SPOCK2: variants seen among roughly 807,000 people sequenced by gnomAD.
SPOCK2 encodes the protein SPARC (osteonectin), cwcv and kazal like domains proteoglycan 2, also known as testican-2.
A neutral mutation model predicts 60.1 loss-of-function variants in SPOCK2; 39 were observed. The observed-to-expected ratio is 0.65, with a 90% CI of 0.50 to 0.85. The LOEUF is 0.85. SPOCK2 is among the 40% of genes least tolerant of loss of function. The pLI is 0.00. For synonymous variants in SPOCK2, 217 were observed against 231.5 expected, an observed-to-expected ratio of 0.94 and a Z score of 0.57; for missense variants, 523 against 567.4, an observed-to-expected ratio of 0.92 and a Z score of 0.80.
Position 72,086,610 on chromosome 10 carries a change from G to A in SPOCK2, c.189+1530C>T, listed in dbSNP as rs372161620. 7.5e-6 allele frequency: 9 copies of A among 1,194,380 alleles called. No individual in the cohort carries two copies. In the African/African-American group the frequency reaches 1.1e-4, roughly 15 times the overall value. 74.0% of individuals were successfully genotyped at this position (1,194,380 alleles called of 1,614,324 possible). A position where few individuals can be genotyped will look rare whatever the true frequency, so the allele number is the denominator to read the frequency against. On this transcript the variant is annotated intron_variant, in intron 1 of 10. Transcript: ENST00000373109. ...CGGCAGGAGACTGCGGCTCATCTGC[G>A]CTGGGCCTGCAGGTGCTTCGGGAAG... is the stretch of plus-strand genomic sequence containing the variant.
At chr10:72,066,458 C>G (rs1715133314) in intron 8 of SPOCK2, among the ~76,000 whole-genome samples, 1 of 151,546 alleles carries the variant, frequency 6.6e-6, no homozygotes, top group South Asian at 2.1e-4. Context: ...CCACCTCAGC[C>G]TCTCAAGTGG....
Position 72,062,773 on chromosome 10 carries a change from C to A in SPOCK2, c.1262G>T (p.Gly421Val). The change falls in exon 11 of 11, where the codon GGC (glycine) becomes GTC (valine). Residue 421 changes from glycine to valine, a missense_variant. Coordinates refer to ENST00000373109, the MANE Select transcript of SPOCK2 (RefSeq NM_001244950.2). This position sits in a 1 kb window ranked among gnomAD's most constrained non-coding sequence, Gnocchi z 4.3. ...TCCTGAGGGCGTCTACCAGATGTAG[C>A]CCCCGTCGTCAGCCTCGCCTGCCTC... ...EGEAGEADDGGYIW is the reference protein window; with the variant it reads ...EGEAGEADDGVYIW The A allele has an allele frequency of 6.2e-7, 1 of 1,605,760 alleles. No individual in the cohort carries two copies. Among genetic ancestry groups the A allele is most frequent in the Non-Finnish European group, 8.5e-7 (1 of 1,179,072 alleles).
chr10:72,087,133 C>T lies in SPOCK2; in HGVS notation c.189+1007G>A. ...TCCCCCACAGCACCCCCAACGATCT[C>T]GGGGTCCAGCCACACCCTCCGCCCG... On this transcript the variant is annotated intron_variant, in intron 1 of 10. Coordinates refer to ENST00000373109, the MANE Select transcript of SPOCK2 (RefSeq NM_001244950.2). The surrounding 1 kb of genome is among the most constrained non-coding windows in gnomAD (Gnocchi z 4.7). 1.1e-6 allele frequency: 1 copy of T among 925,514 alleles called. No homozygotes were observed. The highest frequency in any genetic ancestry group is 1.6e-6 in the Non-Finnish European group (1 of 639,284). The allele number at this position is 925,514 out of a possible 1,614,324, so 57.3% of individuals were successfully genotyped here.
chr10:72,066,242 G>C (rs538149474), intron 8 of SPOCK2, among the ~76,000 whole-genome samples: 7 of 152,034 alleles, frequency 4.6e-5, no homozygotes, highest in Non-Finnish European at 1.0e-4. Flanking sequence ...AGAAGCAAAT[G>C]CATCTTCACC....
At position 72,087,669 on chromosome 10, in the gene SPOCK2, C is replaced by T. The variant is rs1365454718; in HGVS notation, c.189+471G>A. On this transcript the variant is annotated intron_variant, in intron 1 of 10. Coordinates refer to ENST00000373109, the MANE Select transcript of SPOCK2 (RefSeq NM_001244950.2). The surrounding 1 kb of genome is among the most constrained non-coding windows in gnomAD (Gnocchi z 4.7). ...TGGGAACAGAGGGCACCGCGCGAGC[C>T]GATGCCACCCTCACTGCCGGCCCCA... 6.6e-6 allele frequency among the ~76,000 whole-genome samples: 1 copy of T among 152,226 alleles called. No homozygotes were observed. The highest frequency in any genetic ancestry group is 1.5e-5 in the Non-Finnish European group (1 of 68,034).
At chr10:72,082,256 T>C (rs1389946641) in intron 1 of SPOCK2, among the ~76,000 whole-genome samples, 1 of 152,218 alleles carries the variant, frequency 6.6e-6, no homozygotes. Flanking sequence ...GCTGGCACAC[T>C]TCAAGAGCCA....
At position 72,061,675 on chromosome 10, in the gene SPOCK2, A is replaced by T. The variant is rs1840492863; in HGVS notation, c.*1085T>A. ...CTGGCCCTCAGGCGCCCTCAAGTGG[A>T]TGAGGGGACCCCAGCAAGGGGGATG... On this transcript the variant is annotated 3_prime_UTR_variant, in exon 11 of 11. Transcript: ENST00000373109. The T allele has an allele frequency of 6.5e-6, 1 of 152,818 alleles. No individual in the cohort carries two copies. The highest frequency in any genetic ancestry group is 2.4e-5 in the African/African-American group (1 of 41,392). The allele number at this position is 152,818 out of a possible 1,614,324, so 9.5% of individuals were successfully genotyped here.
Position 72,070,439 on chromosome 10 carries a change from G to A in SPOCK2, c.360-13C>T, listed in dbSNP as rs770770139. On this transcript the variant is annotated splice_polypyrimidine_tract_variant and intron_variant, in intron 4 of 10. Transcript: ENST00000373109. ...CGGCTGCTTGATCCTACAGGAGAGG[G>A]TGGGGGGCACACCAGGGTGGAAGTG... 2.5e-6 allele frequency: 4 copies of A among 1,613,466 alleles called. No individual in the cohort carries two copies. The highest frequency in any genetic ancestry group is 3.4e-6 in the Non-Finnish European group (4 of 1,179,412).
intron 6 of SPOCK2, 105 bp from the exon 7 acceptor site, chr10:72,067,837 C>T (rs185621916): frequency 1.0e-5 from 15 of 1,497,360 alleles, no homozygotes; most frequent in Middle Eastern, 1.8e-4. Flanking sequence ...GGCAGGGGTC[C>T]GGGAGGCAGC....
At chr10:72,066,851 G>A (rs1304028405) in intron 8 of SPOCK2, 51 bp downstream of exon 8, 4 of 1,604,490 alleles carry the variant, frequency 2.5e-6, no homozygotes, top group Non-Finnish European at 3.4e-6. Flanking sequence ...TGGAACTTCG[G>A]GTAGAGCCCA....
chr10:72,066,846 CT>C (rs1476033127), intron 8 of SPOCK2, 55 bp downstream of exon 8: 2 of 1,602,222 alleles, frequency 1.2e-6, no homozygotes, highest in African/African-American at 2.7e-5. Flanking sequence ...GAGCCTGGAA[CT>C]TCGGGTAGAG....
intron 1 of SPOCK2, among the ~76,000 whole-genome samples, chr10:72,083,795 T>G (rs955786768): frequency 6.6e-6 from 1 of 152,166 alleles, no homozygotes; most frequent in Non-Finnish European, 1.5e-5. Context: ...TGTTGTTATA[T>G]GTTTTGTTTT....
intron 5 of SPOCK2, among the ~76,000 whole-genome samples, chr10:72,069,496 G>T (rs564238790): frequency 5.4e-5 from 8 of 148,834 alleles, no homozygotes; most frequent in African/African-American, 1.7e-4. Context: ...TGGAGACAAG[G>T]TCTCACTCTG....
In SPOCK2 at chr10:72,062,912, G is replaced by A. The variant is rs1192113751; in HGVS notation, c.1130-7C>T. 3.1e-6 allele frequency: 5 copies of A among 1,597,304 alleles called. No homozygotes were observed. The highest frequency in any genetic ancestry group is 2.2e-5 in the East Asian group (1 of 44,488). ...GAGAAGCCCACGATGTCATCTGTGA[G>A]GGGATCAAGCCAACAGGGGGTGAGG... On this transcript the variant is annotated splice_region_variant and splice_polypyrimidine_tract_variant and intron_variant, in intron 10 of 10. Transcript: ENST00000373109. The surrounding 1 kb of genome is among the most constrained non-coding windows in gnomAD (Gnocchi z 4.3).
intron 8 of SPOCK2, among the ~76,000 whole-genome samples, chr10:72,066,275 C>A (rs1316894374): frequency 6.6e-6 from 1 of 151,780 alleles, no homozygotes; most frequent in East Asian, 1.9e-4. Flanking sequence ...ACTTGTACAG[C>A]CCCTTCCCAA....
Position 72,062,517 on chromosome 10 carries a change from G to T in SPOCK2, c.*243C>A. ...TCTGCCAGGAGCAGTGTGGATCAAG[G>T]ACACATTTGTCAGCGCATGCCACAC... On this transcript the variant is annotated 3_prime_UTR_variant, in exon 11 of 11. Coordinates refer to ENST00000373109, the MANE Select transcript of SPOCK2 (RefSeq NM_001244950.2). The surrounding 1 kb of genome is among the most constrained non-coding windows in gnomAD (Gnocchi z 4.3). 2 of 656,522 alleles carry T rather than the reference G, an allele frequency of 3.0e-6. No homozygotes were observed. The highest frequency in any genetic ancestry group is 4.8e-6 in the Non-Finnish European group (2 of 419,954). The allele number at this position is 656,522 out of a possible 1,614,324, so 40.7% of individuals were successfully genotyped here.
chr10:72,068,645 G>A (rs900166084), intron 5 of SPOCK2: 2 of 275,604 alleles, frequency 7.3e-6, no homozygotes, highest in Non-Finnish European at 1.3e-5. Context: ...TTAGCTGTCT[G>A]TTGCCCCCCT....
intron 1 of SPOCK2, among the ~76,000 whole-genome samples, chr10:72,084,915 C>T (rs1412411276): frequency 1.3e-5 from 2 of 152,102 alleles, no homozygotes; most frequent in African/African-American, 4.8e-5. Flanking sequence ...ATGAACTGTG[C>T]GCCTCCTGGG....
intron 1 of SPOCK2, chr10:72,086,959 C>T (rs1381485331): frequency 1.3e-6 from 2 of 1,551,628 alleles, no homozygotes; most frequent in Non-Finnish European, 1.7e-6. Flanking sequence ...CATGGTGTGG[C>T]CTGCGTTGTA....
Sources: gnomAD v4.1 joint callset for allele counts (sites outside exome capture counted in the v4.1 genomes callset) on GRCh38, gnomAD v4.1.1 for gene constraint, Gnocchi (gnomAD v3.1) non-coding constraint, MANE v1.5 for transcripts, NCBI Gene and HGNC (gene_info 2026-07-23, HGNC 2026-07-21) for gene names.